MBD5: variants seen among roughly 807,000 people sequenced by gnomAD.
MBD5 encodes methyl-CpG-binding domain protein 5.
A neutral mutation model predicts 117.3 loss-of-function variants in MBD5; 13 were observed. That is an observed-to-expected ratio of 0.11 (90% CI 0.07 to 0.18). The LOEUF (loss-of-function observed/expected upper bound fraction) is 0.18, where lower values mean the gene tolerates loss of function less well. Among genes scored for constraint, MBD5 ranks in the 10% least tolerant of loss-of-function variants. MBD5 has a pLI of 1.00. For synonymous variants in MBD5, 727 were observed against 766.4 expected, an observed-to-expected ratio of 0.95 and a Z score of 0.85; for missense variants, 1,879 against 2,093.8, an observed-to-expected ratio of 0.90 and a Z score of 2.00.
intron 8 of MBD5, chr2:148,471,199 A>G (rs1395413903): frequency 6.6e-6 from 1 of 152,116 alleles, no homozygotes; most frequent in East Asian, 1.9e-4. Flanking sequence ...TAAGGTTTTG[A>G]ACCCAAATCT....
chr2:148,184,533 C>T (rs891755046), intron 2 of MBD5, among the ~76,000 whole-genome samples: 3 of 152,066 alleles, frequency 2.0e-5, no homozygotes, highest in Non-Finnish European at 2.9e-5. Flanking sequence ...CTTCTTTGTT[C>T]TCTTGTTCTT....
At chr2:148,347,107 A>T (rs149738671) in intron 4 of MBD5, 1 of 152,040 alleles carries the variant, frequency 6.6e-6, no homozygotes, top group Non-Finnish European at 1.5e-5. Context: ...TGCCTAACCC[A>T]TGTTTTACAT....
chr2:148,176,203 C>T lies in MBD5; in HGVS notation c.-924-2497C>T, dbSNP rs1022430728. On this transcript the variant is annotated intron_variant, in intron 1 of 13. Transcript: ENST00000642680. ...TCAAACTAGGTAAGGAAAATAAGAG[C>T]TAAAGTATAGTTTTCTTTTCTGGTT... Among the ~76,000 whole-genome samples the T allele has an allele frequency of 4.0e-5, 6 of 151,354 alleles. No individual in the cohort carries two copies. In the East Asian group the frequency reaches 1.2e-3, roughly 29 times the overall value.
chr2:148,070,093 C>T (rs1172523693), intron 1 of MBD5, among the ~76,000 whole-genome samples: 1 of 152,154 alleles, frequency 6.6e-6, no homozygotes, highest in East Asian at 1.9e-4. Context: ...TCATCCTCTC[C>T]ATTCCCCCAC....
intron 1 of MBD5, among the ~76,000 whole-genome samples, chr2:148,118,441 T>A (rs954946039): frequency 6.6e-6 from 1 of 150,592 alleles, no homozygotes; most frequent in African/African-American, 2.4e-5. Flanking sequence ...AAAAAATATA[T>A]ATATATATAT....
At chr2:148,463,665 TTTTTTAAACAAAGGGATC>T in intron 6 of MBD5, 56 bp from the exon 7 acceptor site, 1 of 1,567,686 alleles carries the variant, frequency 6.4e-7, no homozygotes, top group Non-Finnish European at 8.8e-7. Context: ...GCACAACTTT[TTTTTTAAACAAAGGGATC>T]TTTTTATTAA....
At chr2:148,388,714 TTCTC>T (rs1704455938) in intron 4 of MBD5, among the ~76,000 whole-genome samples, 1 of 152,202 alleles carries the variant, frequency 6.6e-6, no homozygotes, top group African/African-American at 2.4e-5. Flanking sequence ...TCTTGCTGTC[TTCTC>T]ACATGACCTT....
intron 3 of MBD5, among the ~76,000 whole-genome samples, chr2:148,334,443 C>A (rs2105081458): frequency 6.6e-6 from 1 of 152,080 alleles, no homozygotes; most frequent in South Asian, 2.1e-4. Flanking sequence ...AGTGATCCTC[C>A]TGCCTTAGTC....
chr2:148,510,219 G>A, intron 13 of MBD5, 84 bp downstream of exon 13: 1 of 968,108 alleles, frequency 1.0e-6, no homozygotes, highest in Non-Finnish European at 1.7e-6. Flanking sequence ...CTTGAGTATT[G>A]TCAAACAACT....
intron 4 of MBD5, among the ~76,000 whole-genome samples, chr2:148,367,232 T>C (rs1215091601): frequency 6.6e-6 from 1 of 152,090 alleles, no homozygotes; most frequent in Non-Finnish European, 1.5e-5. Flanking sequence ...TGGGGAAAGA[T>C]TCCCTATTTA....
intron 3 of MBD5, among the ~76,000 whole-genome samples, chr2:148,341,337 T>C (rs1407423484): frequency 2.8e-5 from 4 of 143,196 alleles, no homozygotes; most frequent in Admixed American, 2.8e-4. Context: ...TTAATGTAAG[T>C]TTTTTTTTTT....
intron 3 of MBD5, among the ~76,000 whole-genome samples, chr2:148,282,570 GTA>G (rs560640635): frequency 3.3e-5 from 5 of 149,968 alleles, no homozygotes; most frequent in African/African-American, 2.5e-5. Flanking sequence ...GTGTGTGTGT[GTA>G]TATATATATA....
chr2:148,234,415 T>C (rs1196752954), intron 3 of MBD5, among the ~76,000 whole-genome samples: 1 of 152,142 alleles, frequency 6.6e-6, no homozygotes, highest in East Asian at 1.9e-4. Context: ...GATTCTGAGT[T>C]TTCTTTCAGT....
chr2:148,458,101 A>G (rs1403518943), intron 4 of MBD5, 102 bp from the exon 5 acceptor site: 5 of 393,538 alleles, frequency 1.3e-5, no homozygotes, highest in South Asian at 1.4e-4. Context: ...AAGGACATCA[A>G]TGTGATTGGG....
At chr2:148,344,221 A>G (rs13420788) in intron 4 of MBD5, among the ~76,000 whole-genome samples, 1,927 of 152,072 alleles carry the variant, frequency 0.013, 40 homozygotes, top group African/African-American at 0.044. Flanking sequence ...CAGAAGCATT[A>G]TAGTATAGTT....
intron 1 of MBD5, among the ~76,000 whole-genome samples, chr2:148,080,236 A>G (rs1265343156): frequency 1.3e-5 from 2 of 152,176 alleles, no homozygotes; most frequent in Non-Finnish European, 2.9e-5. Context: ...GTTTTGGTAC[A>G]ATGGAAGCAT....
chr2:148,396,799 A>G (rs1156340372), intron 4 of MBD5, among the ~76,000 whole-genome samples: 1 of 152,032 alleles, frequency 6.6e-6, no homozygotes, highest in Non-Finnish European at 1.5e-5. Flanking sequence ...GAAGGGCACA[A>G]CTCCTGTCAA....
intron 4 of MBD5, among the ~76,000 whole-genome samples, chr2:148,400,982 A>G (rs1704902558): frequency 1.3e-5 from 2 of 152,214 alleles, no homozygotes; most frequent in Admixed American, 6.5e-5. Context: ...AAATTGAGTC[A>G]TAAATCTGTG....
At chr2:148,506,055 CTG>C (rs1682021037) in intron 12 of MBD5, among the ~76,000 whole-genome samples, 1 of 152,142 alleles carries the variant, frequency 6.6e-6, no homozygotes, top group Admixed American at 6.6e-5. Flanking sequence ...AGAAAATTAT[CTG>C]TTATTTTTGC....
Sources: allele counts gnomAD v4.1 joint callset (sites outside exome capture counted in the v4.1 genomes callset), GRCh38; gene constraint gnomAD v4.1.1; transcripts MANE v1.5; gene names NCBI Gene and HGNC (gene_info 2026-07-23, HGNC 2026-07-21).